Variants in TLL2 observed in about 807,000 individuals in gnomAD.
The protein encoded by TLL2 is tolloid like 2, also known as tolloid-like protein 2.
A neutral mutation model predicts 123.0 loss-of-function variants in TLL2; 106 were observed. The ratio of observed to expected loss-of-function variants is 0.86; its 90% CI spans 0.74 to 1.01. TLL2 has a LOEUF of 1.01. Among genes scored for constraint, TLL2 ranks in the 50% least tolerant of loss-of-function variants. The pLI is 0.00. For synonymous variants in TLL2, 494 were observed against 516.8 expected (o/e 0.96, Z 0.60); for missense variants, 1,332 against 1,336.7 (o/e 1.00, Z 0.06).
At chr10:96,501,586 C>A (rs1415076717) in intron 1 of TLL2, among the ~76,000 whole-genome samples, 4 of 152,240 alleles carry the variant, frequency 2.6e-5, no homozygotes, top group African/African-American at 9.6e-5. Context: ...AAGCTTATTT[C>A]AATCCTGTCA....
rs1469656181 is a variant in TLL2, at chr10:96,381,972, A to C, written c.2194+2615T>G. ...CAAAGTACAGTTCCTGCTTGTAAAC[A>C]GTTCACCCTCTAATATGACGTGACA... On this transcript the variant is annotated intron_variant, in intron 16 of 20. Transcript: ENST00000357947. 4.6e-5 allele frequency among the ~76,000 whole-genome samples: 7 copies of C among 152,248 alleles called. No homozygotes were observed. The South Asian group carries it at 1.0e-3, about 22-fold the overall frequency.
chr10:96,493,273 A>G (rs1847434465), intron 1 of TLL2, among the ~76,000 whole-genome samples: 1 of 152,172 alleles, frequency 6.6e-6, no homozygotes, highest in African/African-American at 2.4e-5. Context: ...CCTTTGTAAG[A>G]TGGAAGCATG....
At chr10:96,428,253 A>T (rs1432082158) in intron 5 of TLL2, among the ~76,000 whole-genome samples, 3 of 152,240 alleles carry the variant, frequency 2.0e-5, no homozygotes, top group African/African-American at 7.2e-5. Flanking sequence ...CCCTCAAATT[A>T]AATGCAAAAT....
intron 2 of TLL2, among the ~76,000 whole-genome samples, chr10:96,466,176 T>C (rs1847130087): frequency 6.6e-6 from 1 of 152,108 alleles, no homozygotes; most frequent in East Asian, 1.9e-4. Context: ...AAGCAAGTAG[T>C]AGCGGGAGCT....
chr10:96,428,282 T>C (rs1400531076), intron 5 of TLL2, among the ~76,000 whole-genome samples: 2 of 152,254 alleles, frequency 1.3e-5, no homozygotes, highest in Non-Finnish European at 2.9e-5. Context: ...CATATTCATC[T>C]ATTCTTGAAG....
chr10:96,416,254 A>G (rs1216677158), intron 7 of TLL2, among the ~76,000 whole-genome samples: 1 of 152,234 alleles, frequency 6.6e-6, no homozygotes, highest in Non-Finnish European at 1.5e-5. Flanking sequence ...AGGATCACAC[A>G]GTCTATAAGC....
At chr10:96,376,572 A>T in intron 18 of TLL2, 120 bp downstream of exon 18, 1 of 1,081,958 alleles carries the variant, frequency 9.2e-7, no homozygotes, top group East Asian at 2.8e-5. Flanking sequence ...TGAAACTGAG[A>T]CCTGGAAATG....
intron 1 of TLL2, among the ~76,000 whole-genome samples, chr10:96,487,873 C>G (rs76339730): frequency 0.012 from 1,842 of 152,156 alleles, 13 homozygotes; most frequent in Non-Finnish European, 0.018. Context: ...ACAACAGGCT[C>G]CCATGTACAT....
At chr10:96,461,849 C>A (rs1282459026) in intron 2 of TLL2, among the ~76,000 whole-genome samples, 1 of 152,216 alleles carries the variant, frequency 6.6e-6, no homozygotes, top group Non-Finnish European at 1.5e-5. Context: ...GAATCAGATA[C>A]AGTCACCACC....
intron 10 of TLL2, among the ~76,000 whole-genome samples, chr10:96,399,817 CA>C (rs1445916457): frequency 2.6e-5 from 4 of 152,142 alleles, no homozygotes; most frequent in Admixed American, 6.6e-5. Context: ...GGCTTGTTTC[CA>C]AAAGAGAGGG....
intron 2 of TLL2, among the ~76,000 whole-genome samples, chr10:96,455,533 G>T (rs565360694): frequency 6.6e-5 from 10 of 152,062 alleles, no homozygotes; most frequent in Non-Finnish European, 1.5e-4. Context: ...GATAAAACAG[G>T]TTGTGGGAAA....
chr10:96,375,014 A>G (rs1665507064), intron 18 of TLL2, among the ~76,000 whole-genome samples: 1 of 148,076 alleles, frequency 6.8e-6, no homozygotes, highest in Non-Finnish European at 1.5e-5. Context: ...CTGGCAGCGC[A>G]GAGATGGAGG....
intron 1 of TLL2, among the ~76,000 whole-genome samples, chr10:96,500,159 A>C (rs1227296199): frequency 1.1e-5 from 1 of 89,572 alleles, no homozygotes; most frequent in East Asian, 2.7e-4. Context: ...AAAAAAAAAA[A>C]ATACAAAAAT....
chr10:96,409,749 A>G (rs1846483321), intron 9 of TLL2, among the ~76,000 whole-genome samples: 2 of 152,178 alleles, frequency 1.3e-5, no homozygotes, highest in Admixed American at 6.5e-5. Context: ...CCCAGGTCCT[A>G]CGCCACACTC....
At chr10:96,443,872 C>T (rs10732778) in intron 3 of TLL2, among the ~76,000 whole-genome samples, 142,798 of 152,252 alleles carry the variant, frequency 0.94, 67,569 homozygotes, top group East Asian at 1. Context: ...TGAAAGCAAG[C>T]CCTGCACATA....
At chr10:96,484,803 C>G (rs1303841229) in intron 1 of TLL2, among the ~76,000 whole-genome samples, 1 of 152,188 alleles carries the variant, frequency 6.6e-6, no homozygotes, top group Non-Finnish European at 1.5e-5. Flanking sequence ...CCCAAGTAAT[C>G]CATCCAAGCT....
At chr10:96,425,924 A>T (rs976120936) in intron 5 of TLL2, among the ~76,000 whole-genome samples, 13 of 152,102 alleles carry the variant, frequency 8.5e-5, no homozygotes, top group Non-Finnish European at 1.5e-4. Context: ...CTTGTTCATG[A>T]TTTTAACTAA....
intron 1 of TLL2, among the ~76,000 whole-genome samples, chr10:96,497,198 G>A (rs1399769443): frequency 6.6e-6 from 1 of 152,104 alleles, no homozygotes; most frequent in Non-Finnish European, 1.5e-5. Context: ...GCTGAGGCAG[G>A]AGAATTGCTT....
At chr10:96,375,268 C>A (rs564857269) in intron 18 of TLL2, 286 of 152,400 alleles carry the variant, frequency 1.9e-3, no homozygotes, top group Non-Finnish European at 3.5e-3. Context: ...CACCCACATG[C>A]AGTGAACACC....
Sources: allele counts gnomAD v4.1 joint callset (sites outside exome capture counted in the v4.1 genomes callset), GRCh38; gene constraint gnomAD v4.1.1; transcripts MANE v1.5; gene names NCBI Gene and HGNC (gene_info 2026-07-23, HGNC 2026-07-21).